The following JAKMIP3 variants were observed in gnomAD, a reference collection of about 807,000 sequenced individuals.
JAKMIP3 encodes janus kinase and microtubule-interacting protein 3.
Under a neutral mutation model 118.5 loss-of-function variants are expected in JAKMIP3, and 58 were observed. The observed-to-expected ratio is 0.49, with a 90% CI of 0.40 to 0.61. The LOEUF (loss-of-function observed/expected upper bound fraction) is 0.61, where lower values mean the gene tolerates loss of function less well. Ranked by LOEUF, JAKMIP3 falls within the 20% of genes least tolerant of loss-of-function variation. The probability of loss-of-function intolerance (pLI) is 0.00; values close to 1 mark genes in which losing one functional copy is unlikely to be tolerated. For missense variants in JAKMIP3, 950 were observed against 1,109.0 expected, an observed-to-expected ratio of 0.86 and a Z score of 2.04; for synonymous variants, 486 against 451.2, an observed-to-expected ratio of 1.08 and a Z score of -0.98.
rs2058528743 is a variant in JAKMIP3, at chr10:132,163,117, C to A, written c.2221-92C>A. ...TTGCATATCCTCTTGGCCCTGCTCC[C>A]AGGCGGAGGGTGGCCCGGCCTCCGT... On this transcript the variant is annotated intron_variant, in intron 19 of 23. Transcript: ENST00000684848. 6 of 1,245,702 alleles carry A rather than the reference C, an allele frequency of 4.8e-6. No homozygotes were observed. In the South Asian group the frequency reaches 8.7e-5, roughly 18 times the overall value. The allele number at this position is 1,245,702 out of a possible 1,614,324, so 77.2% of individuals were successfully genotyped here.
intron 10 of JAKMIP3, 71 bp from the exon 11 acceptor site, chr10:132,141,849 C>T (rs552723781): frequency 3.7e-5 from 57 of 1,529,304 alleles, no homozygotes; most frequent in Non-Finnish European, 4.9e-5. Flanking sequence ...GCCCCGGGGC[C>T]CCGCCATCGG....
chr10:132,139,722 C>G (rs1278249568), intron 9 of JAKMIP3, among the ~76,000 whole-genome samples: 1 of 152,280 alleles, frequency 6.6e-6, no homozygotes, highest in East Asian at 1.9e-4. Context: ...GGGAGGCACA[C>G]AGGACAGGGG....
intron 1 of JAKMIP3, among the ~76,000 whole-genome samples, chr10:132,095,939 T>TC (rs1357352591): frequency 6.6e-6 from 1 of 152,140 alleles, no homozygotes; most frequent in African/African-American, 2.4e-5. Flanking sequence ...AGCTCAGGCT[T>TC]CCACCCATGG....
intron 3 of JAKMIP3, among the ~76,000 whole-genome samples, chr10:132,130,165 C>A (rs2050299519): frequency 6.6e-6 from 1 of 152,182 alleles, no homozygotes; most frequent in South Asian, 2.1e-4. Context: ...CCTCTTCTAG[C>A]ACCTCCAACG....
At chr10:132,075,114 G>A (rs998272109) in intron 1 of JAKMIP3, among the ~76,000 whole-genome samples, 2 of 152,162 alleles carry the variant, frequency 1.3e-5, no homozygotes, top group African/African-American at 4.8e-5. Flanking sequence ...GTAATATGAT[G>A]CCTCCAGCTT....
chr10:132,159,875 G>GCCTCTCCCT (rs1564982809), intron 19 of JAKMIP3, among the ~76,000 whole-genome samples: 3 of 10,132 alleles, frequency 3.0e-4, no homozygotes, highest in Non-Finnish European at 5.1e-4. Flanking sequence ...ATGCTGGGGG[G>GCCTCTCCCT]GTCTCTTCCT....
rs183317407 is a variant in JAKMIP3, at chr10:132,049,565, T to C, written c.-138+12827T>C. Among the ~76,000 whole-genome samples, 6 of 152,304 alleles carry C rather than the reference T, an allele frequency of 3.9e-5. No individual in the cohort carries two copies. The highest frequency in any genetic ancestry group is 7.4e-5 in the Non-Finnish European group (5 of 68,020). ...TTTTTGCCCTAAGCTGTTGAATTCC[T>C]AAATCGGGGTGTTTTTCCATATCCT... On this transcript the variant is annotated intron_variant, in intron 1 of 23. Coordinates refer to the JAKMIP3 transcript ENST00000657785. The surrounding 1 kb of genome is among the most constrained non-coding windows in gnomAD (Gnocchi z 4.3).
intron 1 of JAKMIP3, among the ~76,000 whole-genome samples, chr10:132,079,821 G>A (rs1406598493): frequency 6.6e-6 from 1 of 152,122 alleles, no homozygotes; most frequent in East Asian, 1.9e-4. Context: ...TCATGCCTCC[G>A]TGTTGCGGCA....
chr10:132,140,684 G>C (rs2053333583), intron 10 of JAKMIP3, 105 bp downstream of exon 10: 1 of 1,469,028 alleles, frequency 6.8e-7, no homozygotes, highest in South Asian at 1.4e-5. Context: ...GCCGGGTCCT[G>C]GGCTTGGCTG....
chr10:132,097,908 C>G (rs2044151105), intron 1 of JAKMIP3, among the ~76,000 whole-genome samples: 1 of 64,050 alleles, frequency 1.6e-5, no homozygotes, highest in Non-Finnish European at 3.5e-5. Context: ...TCCCCTTCCC[C>G]TTCCCCTTCC....
chr10:132,102,128 A>G (rs2045044001), intron 1 of JAKMIP3, among the ~76,000 whole-genome samples: 1 of 151,940 alleles, frequency 6.6e-6, no homozygotes, highest in South Asian at 2.1e-4. Flanking sequence ...TGCCCACCCA[A>G]TGTCCTCTCA....
At chr10:132,064,910 T>G (rs2038591008), upstream of JAKMIP3, among the ~76,000 whole-genome samples, 1 of 152,112 alleles carries the variant, frequency 6.6e-6, no homozygotes, top group African/African-American at 2.4e-5. This position sits in a 1 kb window ranked among gnomAD's most constrained non-coding sequence, Gnocchi z 4.4. Flanking sequence ...AAGTGACATT[T>G]GGCCTTGACT....
chr10:132,115,558 G>A (rs925886830), intron 2 of JAKMIP3, among the ~76,000 whole-genome samples: 15 of 152,216 alleles, frequency 9.9e-5, no homozygotes, highest in African/African-American at 2.9e-4. Flanking sequence ...CCTGTGACTC[G>A]GTGCCAGCAG....
chr10:132,104,914 C>G lies in JAKMIP3; in HGVS notation c.106C>G (p.Gln36Glu). 1 of 1,591,248 alleles carries G rather than the reference C, an allele frequency of 6.3e-7. No homozygotes were observed. The highest frequency in any genetic ancestry group is 1.1e-5 in the South Asian group (1 of 87,136). The change falls in exon 2 of 24, where the codon CAG becomes GAG. Residue 36 changes from glutamine to glutamate, a missense_variant. Gln to Glu is a conservative substitution (Grantham distance 29). Transcript: ENST00000684848. ...TCTTCGAGCCAAGCTCACAGACATC[C>G]AGATCGAGCTGCAGCAGGAGAAGAG... ...EDLRAKLTDIQIELQQEKSKV... is the reference protein window; with the variant it reads ...EDLRAKLTDIEIELQQEKSKV...
At chr10:132,048,937 G>C (rs528773966) in intron 1 of JAKMIP3, among the ~76,000 whole-genome samples, 4 of 152,200 alleles carry the variant, frequency 2.6e-5, no homozygotes, top group Non-Finnish European at 5.9e-5. Flanking sequence ...ACCGCGCCCG[G>C]CCTGGGCTTG....
chr10:132,159,292 G>A (rs545901752), intron 19 of JAKMIP3, among the ~76,000 whole-genome samples: 1 of 142,388 alleles, frequency 7.0e-6, no homozygotes, highest in African/African-American at 2.6e-5. Context: ...CTGTGATGCT[G>A]GGGGCGCCTC....
At chr10:132,071,508 T>C (rs1018476506) in intron 1 of JAKMIP3, among the ~76,000 whole-genome samples, 1 of 152,228 alleles carries the variant, frequency 6.6e-6, no homozygotes. Context: ...GTGAATATCC[T>C]TACCAATTTT....
At chr10:132,171,837 T>A (rs1317213392) in intron 23 of JAKMIP3, among the ~76,000 whole-genome samples, 5 of 152,092 alleles carry the variant, frequency 3.3e-5, no homozygotes, top group African/African-American at 9.7e-5. Flanking sequence ...GTATTTTTAG[T>A]AGAGACGGGG....
At chr10:132,134,939 C>A in intron 4 of JAKMIP3, 102 bp from the exon 5 acceptor site, 3 of 1,402,380 alleles carry the variant, frequency 2.1e-6, no homozygotes, top group Non-Finnish European at 2.9e-6. Flanking sequence ...TAAAGGCGCG[C>A]GTCCCACGGC....
Sources: gnomAD v4.1 joint callset for allele counts (sites outside exome capture counted in the v4.1 genomes callset) on GRCh38, gnomAD v4.1.1 for gene constraint, Gnocchi (gnomAD v3.1) non-coding constraint, MANE v1.5 for transcripts, NCBI Gene and HGNC (gene_info 2026-07-23, HGNC 2026-07-21) for gene names.